ABCB5: variants seen among roughly 807,000 people sequenced by gnomAD.
ABCB5 encodes the protein ATP-binding cassette sub-family B member 5.
ABCB5 carries 155 observed loss-of-function variants against 144.2 expected under a neutral mutation model. That is an observed-to-expected ratio of 1.08 (90% CI 0.94 to 1.23). The LOEUF (loss-of-function observed/expected upper bound fraction) is 1.23. ABCB5 is among the 50% of genes most tolerant of loss of function. The pLI is 0.00. For missense variants in ABCB5, 1,830 were observed against 1,520.8 expected (o/e 1.20, Z -3.38); for synonymous variants, 610 against 528.6 (o/e 1.15, Z -2.11).
intron 9 of ABCB5, 136 bp from the exon 10 acceptor site, chr7:20,647,399 G>T: frequency 2.9e-6 from 4 of 1,382,288 alleles, no homozygotes; most frequent in African/African-American, 1.5e-5. Flanking sequence ...TTTTTATTTG[G>T]TCATATCTTC....
intron 14 of ABCB5, among the ~76,000 whole-genome samples, chr7:20,663,124 TGTAACCACCAG>T (rs1785059067): frequency 6.6e-6 from 1 of 152,210 alleles, no homozygotes; most frequent in South Asian, 2.1e-4. Flanking sequence ...GCCTCATTCT[TGTAACCACCAG>T]GCTATATTGC....
chr7:20,706,354 C>T (rs1175073147), intron 20 of ABCB5, among the ~76,000 whole-genome samples: 2 of 152,158 alleles, frequency 1.3e-5, no homozygotes, highest in Non-Finnish European at 2.9e-5. Flanking sequence ...GTGAAACAGG[C>T]ATTCTTACCA....
At chr7:20,718,331 G>A (rs963322599) in intron 20 of ABCB5, among the ~76,000 whole-genome samples, 3 of 152,164 alleles carry the variant, frequency 2.0e-5, no homozygotes, top group Non-Finnish European at 4.4e-5. Context: ...TAAACTTCCA[G>A]GGGATGAACT....
At chr7:20,644,792 C>T (rs1784367302) in intron 7 of ABCB5, among the ~76,000 whole-genome samples, 1 of 152,188 alleles carries the variant, frequency 6.6e-6, no homozygotes, top group South Asian at 2.1e-4. Flanking sequence ...GAATTTTCAG[C>T]AATAAAACTA....
chr7:20,670,381 G>A (rs1972526), intron 14 of ABCB5, among the ~76,000 whole-genome samples: 95,748 of 131,044 alleles, frequency 0.73, 31,160 homozygotes, highest in East Asian at 0.8. Flanking sequence ...TCTAAAAAAA[G>A]AAAAAGAAAA....
chr7:20,753,451 C>T lies in ABCB5; in HGVS notation c.3521C>T (p.Pro1174Leu), dbSNP rs780315903. Residue 1174 changes from proline to leucine, a missense_variant, in exon 27 of 28, where the codon CCC (proline) becomes CTC (leucine). Coordinates refer to ENST00000404938, the MANE Select transcript of ABCB5 (RefSeq NM_001163941.2). ...ATTGCAAGGGCTCTTCTCCAAAAAC[C>T]CAAAATTTTATTGTTGGATGAGGCC... ...LAIARALLQK[P>L]KILLLDEATS... The T allele has an allele frequency of 6.2e-7, 1 of 1,613,992 alleles. No individual in the cohort carries two copies. Among genetic ancestry groups the T allele is most frequent in the Non-Finnish European group, 8.5e-7 (1 of 1,179,938 alleles).
In ABCB5 at chr7:20,742,987, A is replaced by G. The variant is rs1323560498; in HGVS notation, c.3135A>G (p.Thr1045=). 2.5e-6 allele frequency: 4 copies of G among 1,614,010 alleles called. No individual in the cohort carries two copies. Among genetic ancestry groups the G allele is most frequent in the Non-Finnish European group, 3.4e-6 (4 of 1,179,986 alleles). The change falls in exon 25 of 28, where the codon ACA becomes ACG. Residue 1045 remains threonine, a synonymous_variant. Transcript: ENST00000404938. ...GLSLSIERGK[T]VAFVGSSGCG... is the part of the protein sequence containing the mutation. The stretch of plus-strand genomic sequence containing the variant: ...CCCTCAGTATTGAGCGAGGAAAGAC[A>G]GTAGCATTTGTGGGGAGCAGCGGCT...
intron 7 of ABCB5, among the ~76,000 whole-genome samples, chr7:20,643,935 T>A (rs1784349751): frequency 1.3e-5 from 2 of 152,238 alleles, no homozygotes; most frequent in African/African-American, 2.4e-5. Flanking sequence ...ATACATGTGA[T>A]GTTTAGTTGT....
At chr7:20,663,673 C>T (rs1016793969) in intron 14 of ABCB5, among the ~76,000 whole-genome samples, 3 of 149,550 alleles carry the variant, frequency 2.0e-5, no homozygotes, top group Admixed American at 6.6e-5. Context: ...TGGTGACAGT[C>T]GCACAACAGT....
chr7:20,624,415 C>T (rs1783864097), intron 2 of ABCB5, among the ~76,000 whole-genome samples: 1 of 152,056 alleles, frequency 6.6e-6, no homozygotes, highest in Non-Finnish European at 1.5e-5. Flanking sequence ...CATTGGTGAA[C>T]CAAAAAAACT....
At chr7:20,660,810 G>C (rs893338859) in intron 14 of ABCB5, among the ~76,000 whole-genome samples, 8 of 152,094 alleles carry the variant, frequency 5.3e-5, no homozygotes, top group African/African-American at 1.9e-4. Flanking sequence ...CTCCTCCCTG[G>C]TGATAGAATC....
Position 20,651,429 on chromosome 7 carries a change from G to A in ABCB5, c.1342G>A (p.Asp448Asn), listed in dbSNP as rs747579982. The A allele has an allele frequency of 3.1e-6, 5 of 1,613,970 alleles. No homozygotes were observed. Among genetic ancestry groups the A allele is most frequent in the South Asian group, 2.2e-5 (2 of 91,064 alleles). Reference sequence around the variant, plus strand: ...TTCTTTGGATTGGCAGATCATGGTGGATGAGAATGACATCAGAGCTTTAAA... The same window carrying A: ...TTCTTTGGATTGGCAGATCATGGTGAATGAGAATGACATCAGAGCTTTAAA... ...YDPDDGFIMV[D>N]ENDIRALNVR... Residue 448 changes from aspartate (D) to asparagine (N), a missense_variant, in exon 13 of 28, where the codon GAT becomes AAT. Asp to Asn is a conservative substitution (Grantham distance 23, BLOSUM62 1). Transcript: ENST00000404938.
At chr7:20,623,593 T>C (rs1401678671) in intron 2 of ABCB5, among the ~76,000 whole-genome samples, 1 of 152,156 alleles carries the variant, frequency 6.6e-6, no homozygotes, top group African/African-American at 2.4e-5. Flanking sequence ...CTCTTCTGAA[T>C]TTCTCATCGT....
chr7:20,732,693 C>T (rs947894289), intron 23 of ABCB5, among the ~76,000 whole-genome samples: 1 of 152,142 alleles, frequency 6.6e-6, no homozygotes, highest in Non-Finnish European at 1.5e-5. Context: ...ATGTCTAATA[C>T]CAGGTGCTTT....
chr7:20,723,584 T>C (rs1781941807), intron 21 of ABCB5, among the ~76,000 whole-genome samples: 1 of 152,222 alleles, frequency 6.6e-6, no homozygotes, highest in African/African-American at 2.4e-5. Context: ...TACAAATTTT[T>C]GTGAATATTG....
Position 20,647,981 on chromosome 7 carries a change from A to G in ABCB5, c.1109A>G (p.Asp370Gly), listed in dbSNP as rs61732039. Residue 370 changes from aspartate (D) to glycine (G), a missense_variant, in exon 11 of 28, where the codon GAT becomes GGT. By Grantham distance (94) the Asp-to-Gly change is moderately conservative (BLOSUM62 -1). Coordinates refer to ENST00000404938, the MANE Select transcript of ABCB5 (RefSeq NM_001163941.2). ...FQVIDKKPSI[D>G]NFSTAGYKPE... ...TGTTTTTCCAAGAAACCCAGTATAG[A>G]TAACTTTTCCACAGCTGGATATAAA... 189,854 of 1,598,770 alleles carry G rather than the reference A, an allele frequency of 0.12. 12,606 individuals carry two copies. Among genetic ancestry groups the G allele is most frequent in the Non-Finnish European group, 0.13 (154,433 of 1,166,574 alleles).
chr7:20,692,001 T>C (rs1196160939), intron 16 of ABCB5, among the ~76,000 whole-genome samples: 1 of 152,108 alleles, frequency 6.6e-6, no homozygotes, highest in Non-Finnish European at 1.5e-5. Flanking sequence ...GTAGAGTTAG[T>C]AGAGACATTA....
intron 20 of ABCB5, among the ~76,000 whole-genome samples, chr7:20,722,513 C>T (rs891750035): frequency 4.6e-5 from 7 of 152,260 alleles, no homozygotes; most frequent in African/African-American, 1.4e-4. Context: ...AAATCCAGTT[C>T]ATTTGGACAT....
At chr7:20,651,178 A>G (rs1296382741) in intron 12 of ABCB5, among the ~76,000 whole-genome samples, 1 of 152,218 alleles carries the variant, frequency 6.6e-6, no homozygotes, top group East Asian at 1.9e-4. Context: ...ATCTTAGAAT[A>G]AAGATAATCA....
Sources: allele counts gnomAD v4.1 joint callset (sites outside exome capture counted in the v4.1 genomes callset), GRCh38; gene constraint gnomAD v4.1.1; transcripts MANE v1.5; gene names NCBI Gene and HGNC (gene_info 2026-07-23, HGNC 2026-07-21).